CALD1: variants seen among roughly 807,000 people sequenced by gnomAD.
CALD1 encodes caldesmon.
Under a neutral mutation model 99.9 loss-of-function variants are expected in CALD1, and 33 were observed. That is an observed-to-expected ratio of 0.33 (90% CI 0.25 to 0.44). CALD1 has a LOEUF of 0.44. Among genes scored for constraint, CALD1 ranks in the 20% least tolerant of loss-of-function variants. The pLI is 1.00. For synonymous variants in CALD1, 310 were observed against 325.0 expected, an observed-to-expected ratio of 0.95 and a Z score of 0.50; for missense variants, 861 against 962.1, an observed-to-expected ratio of 0.89 and a Z score of 1.39.
chr7:134,902,537 C>A (rs1218767149), intron 3 of CALD1, among the ~76,000 whole-genome samples: 1 of 152,074 alleles, frequency 6.6e-6, no homozygotes, highest in East Asian at 1.9e-4. Flanking sequence ...GATCCAGCTA[C>A]CCCTGGGAGC....
At chr7:134,737,334 T>A in the CALD1 span, among the ~76,000 whole-genome samples, 2 of 152,020 alleles carry the variant, frequency 1.3e-5, no homozygotes, top group Non-Finnish European at 2.9e-5. Context: ...TTGCCAACTT[T>A]CCCAGGCTGG....
In CALD1 at chr7:134,960,636, C is replaced by G. The variant is rs1808194649; in HGVS notation, c.2295+8C>G. The G allele has an allele frequency of 6.4e-7, 1 of 1,572,340 alleles. No homozygotes were observed. The highest frequency in any genetic ancestry group is 1.4e-5 in the African/African-American group (1 of 74,018). Reference sequence around the variant, plus strand: ...CCTGCTCCCAAACCTTCTGTAAGTACCTTTAGGTTTTTCTGAGTTTCTTTG... The same window carrying G: ...CCTGCTCCCAAACCTTCTGTAAGTAGCTTTAGGTTTTTCTGAGTTTCTTTG... On this transcript the variant is annotated splice_region_variant and intron_variant, in intron 13 of 14. Transcript: ENST00000361675.
At chr7:134,854,553 C>T (rs1800218549) in intron 2 of CALD1, among the ~76,000 whole-genome samples, 1 of 143,500 alleles carries the variant, frequency 7.0e-6, no homozygotes, top group African/African-American at 2.4e-5. Context: ...GACACACTCA[C>T]ATTCATTTGG....
rs147267165 is a variant in CALD1, at chr7:134,808,818, T to A, written c.-130+29069T>A. On this transcript the variant is annotated intron_variant, in intron 1 of 14. Coordinates refer to ENST00000361675, the MANE Select transcript of CALD1 (RefSeq NM_033138.4). ...GTACTCCTGACTAGAGTCCTTCATATGCTAACAGTTCCTAGGGTGCAGATT... is the reference window on the plus strand; with the variant it reads ...GTACTCCTGACTAGAGTCCTTCATAAGCTAACAGTTCCTAGGGTGCAGATT... Among the ~76,000 whole-genome samples, 364 of 152,342 alleles carry A rather than the reference T, an allele frequency of 2.4e-3. 4 individuals are homozygous for A. Among genetic ancestry groups the A allele is most frequent in the South Asian group, 0.012 (56 of 4,830 alleles).
chr7:134,756,844 C>T (rs1796734266), intron 1 of CALD1, among the ~76,000 whole-genome samples: 2 of 152,134 alleles, frequency 1.3e-5, no homozygotes, highest in Non-Finnish European at 2.9e-5. Context: ...TTTCCATGGG[C>T]CCGTAGGAAC....
At chr7:134,805,344 TGA>T (rs1163939024) in intron 1 of CALD1, among the ~76,000 whole-genome samples, 1 of 152,216 alleles carries the variant, frequency 6.6e-6, no homozygotes, top group African/African-American at 2.4e-5. Context: ...TTCTAATTTT[TGA>T]GAGTTTCCTT....
intron 1 of CALD1, among the ~76,000 whole-genome samples, chr7:134,752,212 C>G (rs1011736194): frequency 4.6e-5 from 7 of 152,130 alleles, no homozygotes; most frequent in Admixed American, 1.3e-4. Flanking sequence ...GTGACTTGGA[C>G]AGAATGCTTA....
chr7:134,834,349 T>A (rs757877182), intron 1 of CALD1, among the ~76,000 whole-genome samples: 7 of 152,230 alleles, frequency 4.6e-5, no homozygotes, highest in Non-Finnish European at 7.3e-5. Flanking sequence ...CAGTTAGAAA[T>A]CGAGCAGTGG....
chr7:134,716,264 T>C, the CALD1 span, among the ~76,000 whole-genome samples: 2 of 152,202 alleles, frequency 1.3e-5, no homozygotes, highest in African/African-American at 4.8e-5. Flanking sequence ...TGTTAAACCA[T>C]CTGTTTAAAC....
the CALD1 span, among the ~76,000 whole-genome samples, chr7:134,719,913 C>T: frequency 1.3e-5 from 2 of 152,158 alleles, no homozygotes; most frequent in Admixed American, 6.5e-5. Context: ...CAAAGATGCC[C>T]GCAGTGAGTG....
At chr7:134,753,294 T>C (rs1028890463) in intron 1 of CALD1, among the ~76,000 whole-genome samples, 1 of 151,900 alleles carries the variant, frequency 6.6e-6, no homozygotes, top group Non-Finnish European at 1.5e-5. Context: ...CACCTTAATT[T>C]CTATAGAAAA....
the CALD1 span, among the ~76,000 whole-genome samples, chr7:134,727,663 C>A: frequency 2.4e-3 from 358 of 152,328 alleles, 3 homozygotes; most frequent in Non-Finnish European, 2.5e-3. Context: ...AGCGGACTTC[C>A]TTCACATGCC....
At chr7:134,914,106 A>G (rs1171449930) in intron 3 of CALD1, among the ~76,000 whole-genome samples, 1 of 152,228 alleles carries the variant, frequency 6.6e-6, no homozygotes, top group Non-Finnish European at 1.5e-5. Context: ...CTATCATCTT[A>G]GATGCTCACT....
At chr7:134,874,655 A>C (rs1164768459) in intron 3 of CALD1, among the ~76,000 whole-genome samples, 1 of 152,210 alleles carries the variant, frequency 6.6e-6, no homozygotes, top group Non-Finnish European at 1.5e-5. Flanking sequence ...GATCAGAAGA[A>C]AGGCCCCTAT....
intron 1 of CALD1, among the ~76,000 whole-genome samples, chr7:134,835,872 G>A (rs1415209354): frequency 3.3e-5 from 5 of 152,096 alleles, no homozygotes; most frequent in South Asian, 2.1e-4. Flanking sequence ...GAGGCTAGGC[G>A]AGGTGGCTCA....
chr7:134,838,863 G>A (rs979463713), intron 1 of CALD1, among the ~76,000 whole-genome samples: 4 of 152,052 alleles, frequency 2.6e-5, no homozygotes, highest in Non-Finnish European at 5.9e-5. Context: ...AAATTCCCTG[G>A]AGTTGTCATC....
At chr7:134,888,693 T>C (rs1801996647) in intron 3 of CALD1, among the ~76,000 whole-genome samples, 1 of 152,218 alleles carries the variant, frequency 6.6e-6, no homozygotes, top group African/African-American at 2.4e-5. Context: ...CTCTTCACTC[T>C]TCCCATGTCA....
At chr7:134,751,492 T>C (rs1796685621) in intron 1 of CALD1, among the ~76,000 whole-genome samples, 2 of 152,228 alleles carry the variant, frequency 1.3e-5, no homozygotes, top group South Asian at 4.1e-4. Context: ...AGTTTTTCAG[T>C]TGGATCACCC....
chr7:134,936,709 A>C (rs1806007894), intron 6 of CALD1, among the ~76,000 whole-genome samples: 1 of 152,232 alleles, frequency 6.6e-6, no homozygotes, highest in South Asian at 2.1e-4. Context: ...ATTTTCTTAA[A>C]TACGTTTTGT....
Sources: gnomAD v4.1 joint callset for allele counts (sites outside exome capture counted in the v4.1 genomes callset) on GRCh38, gnomAD v4.1.1 for gene constraint, MANE v1.5 for transcripts, NCBI Gene and HGNC (gene_info 2026-07-23, HGNC 2026-07-21) for gene names.